ABCA5: variants seen among roughly 807,000 people sequenced by gnomAD.
The protein encoded by ABCA5 is cholesterol transporter ABCA5.
In ABCA5, 163 loss-of-function variants were observed where a neutral mutation model predicts 206.0. The ratio of observed to expected loss-of-function variants is 0.79; its 90% CI spans 0.70 to 0.90. ABCA5 has a LOEUF of 0.90. ABCA5 is among the 40% of genes least tolerant of loss of function. The pLI is 0.00. For missense variants in ABCA5, 1,859 were observed against 1,912.9 expected, an observed-to-expected ratio of 0.97 and a Z score of 0.53; for synonymous variants, 609 against 613.8, an observed-to-expected ratio of 0.99 and a Z score of 0.11.
At chr17:69,324,355 G>T (rs1282875373) in intron 1 of ABCA5, among the ~76,000 whole-genome samples, 1 of 152,212 alleles carries the variant, frequency 6.6e-6, no homozygotes, top group African/African-American at 2.4e-5. Flanking sequence ...CTTGACTTTT[G>T]TGAAGAACAG....
In ABCA5 at chr17:69,247,643, A is replaced by G; in HGVS notation, c.4823T>C (p.Val1608Ala). Residue 1608 changes from valine (V) to alanine (A), a missense_variant and splice_region_variant, in exon 39 of 39, where the codon GTT becomes GCT. Val to Ala is a moderately conservative substitution (Grantham distance 64). Transcript: ENST00000392676. ...YSFSQATLEQ[V>A]FVELTKEQEE... ...TTGTTCTTTAGTGAGTTCTACAAAA[A>G]CCTAGGTGAAAAGAAATAAATGAAT... 1 of 1,586,938 alleles carries G rather than the reference A, an allele frequency of 6.3e-7. No homozygotes were observed.
intron 1 of ABCA5, among the ~76,000 whole-genome samples, chr17:69,320,830 C>G (rs960455050): frequency 6.6e-6 from 1 of 152,134 alleles, no homozygotes; most frequent in Non-Finnish European, 1.5e-5. Context: ...TAAGCAAGGA[C>G]TGGTCTGCAT....
rs1212036937 is a variant in ABCA5 at position 69,300,682 on chromosome 17, C to G, written c.1267+457G>C. 2.0e-5 allele frequency among the ~76,000 whole-genome samples: 3 copies of G among 152,096 alleles called. 1 individual carries two copies. Among genetic ancestry groups the G allele is most frequent in the Non-Finnish European group, 4.4e-5 (3 of 68,036 alleles). Reference sequence around the variant, plus strand: ...TACAGGACAGTACAGGTGTAGAATACAGACACAGGTAATGAGGAATACAAG... The same window carrying G: ...TACAGGACAGTACAGGTGTAGAATAGAGACACAGGTAATGAGGAATACAAG... On this transcript the variant is annotated intron_variant, in intron 9 of 38. Transcript: ENST00000392676.
intron 10 of ABCA5, 77 bp downstream of exon 10, chr17:69,297,114 C>T (rs1448737776): frequency 1.5e-6 from 2 of 1,359,422 alleles, no homozygotes; most frequent in Non-Finnish European, 1.0e-6. Flanking sequence ...ACCATATTTA[C>T]ATACATATTT....
intron 10 of ABCA5, among the ~76,000 whole-genome samples, chr17:69,296,482 T>C (rs982248356): frequency 2.0e-5 from 3 of 152,174 alleles, no homozygotes; most frequent in African/African-American, 7.2e-5. Flanking sequence ...ATGTTCTAAT[T>C]ATGCCTCAAA....
chr17:69,296,975 A>G (rs1357305513), intron 10 of ABCA5, among the ~76,000 whole-genome samples: 1 of 152,200 alleles, frequency 6.6e-6, no homozygotes, highest in African/African-American at 2.4e-5. Flanking sequence ...AAAAAACAGA[A>G]AGAAAGAAAC....
At chr17:69,267,038 A>AT (rs994700986) in intron 23 of ABCA5, among the ~76,000 whole-genome samples, 4 of 150,692 alleles carry the variant, frequency 2.7e-5, no homozygotes, top group African/African-American at 9.7e-5. Context: ...CCACGCCCTA[A>AT]TTTTTTTTCT....
intron 37 of ABCA5, chr17:69,249,053 A>G (rs2074983759): frequency 6.6e-6 from 1 of 152,150 alleles, no homozygotes; most frequent in South Asian, 2.1e-4. Flanking sequence ...AATGAACATC[A>G]TGCAGGCCAT....
chr17:69,318,201 T>C (rs924223361), intron 1 of ABCA5, among the ~76,000 whole-genome samples: 6 of 151,934 alleles, frequency 3.9e-5, no homozygotes, highest in African/African-American at 1.2e-4. Context: ...TTCAAGCAAT[T>C]CTCCAACCTC....
rs371346295 is a variant in ABCA5, at chr17:69,254,535, C to T, written c.4069-45G>A. On this transcript the variant is annotated intron_variant, in intron 31 of 38. Coordinates refer to ENST00000392676, the MANE Select transcript of ABCA5 (RefSeq NM_172232.4). ...TTTTTATTATTTTGCTTAATTTACA[C>T]TGTGAAGGAAGTGGCAAGTACATTA... 9.1e-6 allele frequency: 14 copies of T among 1,544,964 alleles called. No homozygotes were observed. The African/African-American group carries it at 1.4e-4, about 15-fold the overall frequency.
chr17:69,263,606 T>C (rs2075173609), intron 24 of ABCA5, among the ~76,000 whole-genome samples: 2 of 152,016 alleles, frequency 1.3e-5, no homozygotes, highest in Admixed American at 6.6e-5. Context: ...TTTGTACCAA[T>C]ACCATGCTGT....
Position 69,281,569 on chromosome 17 carries a change from C to A in ABCA5, c.2392+2384G>T, listed in dbSNP as rs185260153. On this transcript the variant is annotated intron_variant, in intron 18 of 38. Transcript: ENST00000392676. ...ATTTTCAGATAAATCTTCTTTGATC[C>A]AGACATAATAACAAAAGAAAAATTA... Among the ~76,000 whole-genome samples, 48 of 152,194 alleles carry A rather than the reference C, an allele frequency of 3.2e-4. No individual in the cohort carries two copies. The East Asian group carries it at 5.6e-3, about 18-fold the overall frequency.
At chr17:69,254,819 C>T (rs949054035) in intron 31 of ABCA5, among the ~76,000 whole-genome samples, 6 of 152,018 alleles carry the variant, frequency 3.9e-5, no homozygotes, top group African/African-American at 1.2e-4. Context: ...CCACTGCACC[C>T]GCCCAGATGT....
At chr17:69,286,158 C>A in intron 16 of ABCA5, 63 bp downstream of exon 16, 1 of 1,551,204 alleles carries the variant, frequency 6.4e-7, no homozygotes, top group Admixed American at 1.9e-5. Context: ...CAGCAAGCCT[C>A]CAACATAATA....
At position 69,313,138 on chromosome 17, in the gene ABCA5, A is replaced by C; in HGVS notation, c.261T>G (p.Ile87Met). 1 of 1,611,972 alleles carries C rather than the reference A, an allele frequency of 6.2e-7. No individual in the cohort carries two copies. Among genetic ancestry groups the C allele is most frequent in the East Asian group, 2.2e-5 (1 of 44,670 alleles). Reference sequence around the variant, plus strand: ...ACACTTTCTGCATGATGCTGCTTGTAATATTAGTCACTGGAGTATATCCAA... The same window carrying C: ...ACACTTTCTGCATGATGCTGCTTGTCATATTAGTCACTGGAGTATATCCAA... ...LILGYTPVTN[I>M]TSSIMQKVST... Residue 87 changes from isoleucine (I) to methionine (M), a missense_variant, in exon 3 of 39, where the codon ATT becomes ATG. Coordinates refer to ENST00000392676, the MANE Select transcript of ABCA5 (RefSeq NM_172232.4).
At chr17:69,264,300 T>C (rs1376376478) in intron 24 of ABCA5, among the ~76,000 whole-genome samples, 1 of 152,196 alleles carries the variant, frequency 6.6e-6, no homozygotes, top group Non-Finnish European at 1.5e-5. Flanking sequence ...TTTGTGGCTA[T>C]TGTAAATGGA....
At position 69,264,833 on chromosome 17, in the gene ABCA5, C is replaced by G; in HGVS notation, c.3217G>C (p.Asp1073His). ...AGAATGATAAAAAATAAGGGGATAT[C>G]AACAACAGCTTGTCCAATCCAATAT... is the stretch of plus-strand genomic sequence containing the variant. ...SAYWIGQAVVDIPLFFIILIL... is the reference protein window; with the variant it reads ...SAYWIGQAVVHIPLFFIILIL... Residue 1073 changes from aspartate (D) to histidine (H), a missense_variant, in exon 24 of 39, where the codon GAT becomes CAT. Transcript: ENST00000392676. 6.2e-7 allele frequency: 1 copy of G among 1,600,392 alleles called. No individual in the cohort carries two copies. Among genetic ancestry groups the G allele is most frequent in the South Asian group, 1.1e-5 (1 of 87,848 alleles).
In ABCA5 at chr17:69,302,711, T is replaced by C. The variant is rs763167399; in HGVS notation, c.1119+7A>G. The stretch of plus-strand genomic sequence containing the variant: ...TTTAGTGAATGCAAGATTAATATAT[T>C]ACCTACCTGTGCAATACCAATCACA... On this transcript the variant is annotated splice_region_variant and intron_variant, in intron 8 of 38. Coordinates refer to ENST00000392676, the MANE Select transcript of ABCA5 (RefSeq NM_172232.4). The C allele has an allele frequency of 2.6e-5, 39 of 1,498,522 alleles. No individual in the cohort carries two copies. The Admixed American group carries it at 8.1e-4, about 31-fold the overall frequency. 92.8% of individuals were successfully genotyped at this position (1,498,522 alleles called of 1,614,324 possible). A position where few individuals can be genotyped will look rare whatever the true frequency, so the allele number is the denominator to read the frequency against.
At chr17:69,267,725 T>G (rs1369946292) in intron 23 of ABCA5, among the ~76,000 whole-genome samples, 1 of 152,122 alleles carries the variant, frequency 6.6e-6, no homozygotes, top group African/African-American at 2.4e-5. Flanking sequence ...CACAATGTTG[T>G]GAGAATTAGA....
Sources: allele counts gnomAD v4.1 joint callset (sites outside exome capture counted in the v4.1 genomes callset), GRCh38; gene constraint gnomAD v4.1.1; transcripts MANE v1.5; gene names NCBI Gene and HGNC (gene_info 2026-07-23, HGNC 2026-07-21).